SPHKAP: variants seen among roughly 807,000 people sequenced by gnomAD.
The protein encoded by SPHKAP is A-kinase anchor protein SPHKAP.
Under a neutral mutation model 137.5 loss-of-function variants are expected in SPHKAP, and 67 were observed. That is an observed-to-expected ratio of 0.49 (90% CI 0.40 to 0.60). SPHKAP has a LOEUF of 0.60. Among genes scored for constraint, SPHKAP ranks in the 20% least tolerant of loss-of-function variants. The pLI is 0.00. For synonymous variants in SPHKAP, 813 were observed against 785.3 expected, an observed-to-expected ratio of 1.04 and a Z score of -0.59; for missense variants, 2,097 against 2,069.3, an observed-to-expected ratio of 1.01 and a Z score of -0.26.
chr2:228,031,381 G>T (rs1695311472), intron 3 of SPHKAP, among the ~76,000 whole-genome samples: 1 of 152,202 alleles, frequency 6.6e-6, no homozygotes, highest in Non-Finnish European at 1.5e-5. Flanking sequence ...GCTCGATCTG[G>T]GTGGAGCCCA....
At chr2:228,016,321 T>C in intron 7 of SPHKAP, 85 bp downstream of exon 7, 1 of 1,486,186 alleles carries the variant, frequency 6.7e-7, no homozygotes, top group South Asian at 1.5e-5. Flanking sequence ...ATCAAATCCT[T>C]TATGTCTAAA....
intron 1 of SPHKAP, among the ~76,000 whole-genome samples, chr2:228,145,000 G>C (rs1699731617): frequency 6.6e-6 from 1 of 152,148 alleles, no homozygotes; most frequent in Non-Finnish European, 1.5e-5. Flanking sequence ...TCTATGTGTT[G>C]CCTCCCCCAT....
chr2:228,017,786 T>A lies in SPHKAP; in HGVS notation c.3068A>T (p.Asp1023Val). ...GACATCTTCAAGGTTCATGGACTCA[T>A]CCACAACCCTGTTCATCAGCTTTTC... The part of the protein sequence containing the change: ...LKEKLMNRVV[D>V]ESMNLEDVPD... Residue 1023 changes from aspartate (D) to valine (V), a missense_variant, in exon 7 of 12, where the codon GAT becomes GTT. Asp to Val is a radical substitution (Grantham distance 152). Coordinates refer to ENST00000392056, the MANE Select transcript of SPHKAP (RefSeq NM_001142644.2). 1.9e-6 allele frequency: 3 copies of A among 1,614,142 alleles called. No individual in the cohort carries two copies. The highest frequency in any genetic ancestry group is 2.5e-6 in the Non-Finnish European group (3 of 1,180,030).
intron 3 of SPHKAP, among the ~76,000 whole-genome samples, chr2:228,096,869 A>G (rs1698003453): frequency 6.6e-6 from 1 of 152,170 alleles, no homozygotes. Flanking sequence ...AAAAGAAAGA[A>G]ATCATACTCT....
At chr2:228,166,719 A>G (rs13406252) in intron 1 of SPHKAP, among the ~76,000 whole-genome samples, 19,394 of 152,194 alleles carry the variant, frequency 0.13, 1,257 homozygotes, top group East Asian at 0.2. Flanking sequence ...ATGAATGACT[A>G]TGATCTATAA....
At chr2:228,173,623 T>C (rs772269919) in intron 1 of SPHKAP, among the ~76,000 whole-genome samples, 1 of 152,044 alleles carries the variant, frequency 6.6e-6, no homozygotes, top group Non-Finnish European at 1.5e-5. Flanking sequence ...CTCCGGGAGC[T>C]GGAAATAGCA....
intron 3 of SPHKAP, among the ~76,000 whole-genome samples, chr2:228,039,047 G>T (rs1695740444): frequency 6.6e-6 from 1 of 152,162 alleles, no homozygotes; most frequent in African/African-American, 2.4e-5. Flanking sequence ...AATCATAATT[G>T]GTAATAAAGA....
chr2:228,009,177 T>C (rs1370087433), intron 7 of SPHKAP, among the ~76,000 whole-genome samples: 5 of 152,242 alleles, frequency 3.3e-5, no homozygotes, highest in Admixed American at 1.3e-4. Flanking sequence ...TCCTTCAGCA[T>C]AGTATAGTTG....
At chr2:228,091,732 C>G (rs1302640281) in intron 3 of SPHKAP, among the ~76,000 whole-genome samples, 3 of 152,042 alleles carry the variant, frequency 2.0e-5, no homozygotes, top group Non-Finnish European at 2.9e-5. Context: ...CCACCTTACT[C>G]CTGCAAGAAT....
At chr2:228,065,218 T>C (rs546990389) in intron 3 of SPHKAP, among the ~76,000 whole-genome samples, 2 of 151,978 alleles carry the variant, frequency 1.3e-5, no homozygotes, top group African/African-American at 4.8e-5. Flanking sequence ...AGTAATAGAG[T>C]CCTTGGGTCC....
At chr2:228,151,057 A>G (rs1699913076) in intron 1 of SPHKAP, among the ~76,000 whole-genome samples, 1 of 150,788 alleles carries the variant, frequency 6.6e-6, no homozygotes, top group South Asian at 2.1e-4. Flanking sequence ...AGCATTAGGT[A>G]TATCTCCTAA....
At chr2:228,039,746 T>C (rs1435477645) in intron 3 of SPHKAP, among the ~76,000 whole-genome samples, 2 of 152,188 alleles carry the variant, frequency 1.3e-5, no homozygotes, top group Non-Finnish European at 2.9e-5. Flanking sequence ...TCAGACAAAA[T>C]CAGTGCTTTT....
intron 2 of SPHKAP, among the ~76,000 whole-genome samples, chr2:228,128,905 C>T (rs1348814491): frequency 6.6e-6 from 1 of 152,058 alleles, no homozygotes. Flanking sequence ...TGCTGCAATC[C>T]AGGCTTTGTT....
intron 2 of SPHKAP, among the ~76,000 whole-genome samples, chr2:228,125,866 C>T (rs992468886): frequency 6.6e-6 from 1 of 152,006 alleles, no homozygotes; most frequent in Non-Finnish European, 1.5e-5. Flanking sequence ...CATTTGAGGT[C>T]AGAAGTTCGA....
At chr2:228,078,757 A>T (rs1015716984) in intron 3 of SPHKAP, among the ~76,000 whole-genome samples, 6 of 152,198 alleles carry the variant, frequency 3.9e-5, no homozygotes, top group Non-Finnish European at 1.5e-5. Context: ...CATTACTCAC[A>T]TCACCCAACT....
At position 228,021,777 on chromosome 2, in the gene SPHKAP, C is replaced by T. The variant is rs778045595; in HGVS notation, c.631G>A (p.Glu211Lys). 25 of 1,614,140 alleles carry T rather than the reference C, an allele frequency of 1.5e-5. No homozygotes were observed. The highest frequency in any genetic ancestry group is 2.0e-5 in the Non-Finnish European group (24 of 1,180,006). Reference protein sequence around the residue: ...DDTNCSLSSIEEDFLTASEHL... With the variant: ...DDTNCSLSSIKEDFLTASEHL... ...TCAGAAGCGGTGAGAAAGTCTTCCT[C>T]GATTGAAGATAAGGAACAGTTCGTG... Residue 211 changes from glutamate to lysine, a missense_variant, in exon 6 of 12, where the codon GAG becomes AAG. By Grantham distance (56) the Glu-to-Lys change is moderately conservative. Transcript: ENST00000392056.
rs568975747 is a variant in SPHKAP at position 228,001,777 on chromosome 2, T to C, written c.4449-6083A>G. Among the ~76,000 whole-genome samples the C allele has an allele frequency of 2.0e-5, 3 of 151,938 alleles. No individual in the cohort carries two copies. The South Asian group carries it at 6.2e-4, about 32-fold the overall frequency. On this transcript the variant is annotated intron_variant, in intron 7 of 11. Transcript: ENST00000392056. ...ATGTTCCCCTTCCTGTGTCCATGTG[T>C]TCTCATTGTTCAATTCCCACCTATG...
intron 1 of SPHKAP, among the ~76,000 whole-genome samples, chr2:228,164,460 C>A (rs1433443870): frequency 1.3e-5 from 2 of 152,210 alleles, no homozygotes; most frequent in Admixed American, 6.5e-5. Flanking sequence ...ACTAATACAG[C>A]CCCCAAACAT....
At chr2:228,098,226 G>C (rs1000655463) in intron 3 of SPHKAP, among the ~76,000 whole-genome samples, 1 of 151,976 alleles carries the variant, frequency 6.6e-6, no homozygotes. Flanking sequence ...GCATTTCTCT[G>C]ATAATTACTG....
Sources: gnomAD v4.1 joint callset for allele counts (sites outside exome capture counted in the v4.1 genomes callset) on GRCh38, gnomAD v4.1.1 for gene constraint, MANE v1.5 for transcripts, NCBI Gene and HGNC (gene_info 2026-07-23, HGNC 2026-07-21) for gene names.